Variants in NRG1 observed in about 807,000 individuals in gnomAD.
The protein encoded by NRG1 is neuregulin 1.
In NRG1, 18 loss-of-function variants were observed where a neutral mutation model predicts 63.8. The observed-to-expected ratio is 0.28, with a 90% CI of 0.19 to 0.42. The LOEUF (loss-of-function observed/expected upper bound fraction) is 0.42. Among genes scored for constraint, NRG1 ranks in the 10% least tolerant of loss-of-function variants. NRG1 has a pLI of 1.00. For missense variants in NRG1, 762 were observed against 814.7 expected (o/e 0.94, Z 0.79); for synonymous variants, 302 against 301.3 (o/e 1.00, Z -0.02).
At chr8:31,716,563 A>G (rs753788594) in intron 1 of NRG1, among the ~76,000 whole-genome samples, 2 of 152,246 alleles carry the variant, frequency 1.3e-5, no homozygotes, top group African/African-American at 2.4e-5. Flanking sequence ...TAAGATTTAC[A>G]CTGTAAAATT....
rs529267787 is a variant in NRG1 at position 32,710,262 on chromosome 8, A to G, written c.503-17687A>G. On this transcript the variant is annotated intron_variant, in intron 5 of 11. Transcript: ENST00000356819. Reference sequence around the variant, plus strand: ...CTAACATCAAATGTCCCTGGAGATAATTTTTTTATTTTATGTAATTTATCT... The same window carrying G: ...CTAACATCAAATGTCCCTGGAGATAGTTTTTTTATTTTATGTAATTTATCT... 5.3e-5 allele frequency among the ~76,000 whole-genome samples: 8 copies of G among 152,242 alleles called. 1 individual carries two copies. The East Asian group carries it at 1.5e-3, about 29-fold the overall frequency.
At chr8:32,474,678 T>G (rs4733339) in intron 1 of NRG1, among the ~76,000 whole-genome samples, 19,426 of 149,598 alleles carry the variant, frequency 0.13, 1,518 homozygotes, top group Admixed American at 0.26. Context: ...TGTGTGTGTG[T>G]TTTTTTTAGT....
At chr8:32,251,902 G>GT (rs1849156457) in intron 1 of NRG1, among the ~76,000 whole-genome samples, 1 of 15,594 alleles carries the variant, frequency 6.4e-5, no homozygotes, top group South Asian at 2.0e-3. Context: ...GCTGCATAAT[G>GT]TCATTTCTCT....
At chr8:32,216,561 T>C (rs1845249806) in intron 1 of NRG1, among the ~76,000 whole-genome samples, 1 of 149,960 alleles carries the variant, frequency 6.7e-6, no homozygotes. Context: ...GGAATGAGCC[T>C]ATAAAAATAA....
chr8:32,711,960 C>T (rs1002733991), intron 5 of NRG1, among the ~76,000 whole-genome samples: 1 of 152,132 alleles, frequency 6.6e-6, no homozygotes, highest in Non-Finnish European at 1.5e-5. Context: ...CTACTTTTAA[C>T]ATTTCACACC....
At chr8:32,491,041 C>A (rs970978073) in intron 1 of NRG1, among the ~76,000 whole-genome samples, 2 of 152,142 alleles carry the variant, frequency 1.3e-5, no homozygotes, top group Non-Finnish European at 2.9e-5. Flanking sequence ...ACTAATTTTT[C>A]CCCCTTCATC....
intron 1 of NRG1, among the ~76,000 whole-genome samples, chr8:32,048,446 CATATATATATATATATAT>C (rs869311093): frequency 3.0e-4 from 2 of 6,712 alleles, no homozygotes; most frequent in African/African-American, 3.3e-4. Context: ...TATATACATA[CATATATATATATATATAT>C]ATATATATAT....
At chr8:31,909,641 C>T (rs1563553663) in intron 1 of NRG1, among the ~76,000 whole-genome samples, 1 of 152,194 alleles carries the variant, frequency 6.6e-6, no homozygotes, top group Non-Finnish European at 1.5e-5. Context: ...TATGCCTCCT[C>T]TTTACATATG....
intron 5 of NRG1, among the ~76,000 whole-genome samples, chr8:32,643,523 C>T (rs929340170): frequency 2.0e-5 from 3 of 152,138 alleles, no homozygotes; most frequent in Non-Finnish European, 4.4e-5. Flanking sequence ...CCATCTTGAA[C>T]GTTTCCACCT....
intron 1 of NRG1, among the ~76,000 whole-genome samples, chr8:32,109,724 C>A (rs747344404): frequency 6.6e-6 from 1 of 152,068 alleles, no homozygotes; most frequent in African/African-American, 2.4e-5. Flanking sequence ...TGAAAGTTCC[C>A]CTTCAGTTCC....
intron 1 of NRG1, among the ~76,000 whole-genome samples, chr8:32,554,915 T>TTC (rs71208194): frequency 0.17 from 24,748 of 147,086 alleles, 2,212 homozygotes; most frequent in Middle Eastern, 0.19. Context: ...TGCTTTTTTC[T>TTC]TCTCTCTCTC....
chr8:32,391,841 A>G (rs530581899), intron 1 of NRG1, among the ~76,000 whole-genome samples: 1 of 152,322 alleles, frequency 6.6e-6, no homozygotes, highest in East Asian at 1.9e-4. Flanking sequence ...TAAGTAGGGG[A>G]AAGATCAGCT....
intron 1 of NRG1, among the ~76,000 whole-genome samples, chr8:32,294,252 A>G (rs1854578672): frequency 6.6e-6 from 1 of 151,942 alleles, no homozygotes. Flanking sequence ...TTTTGGGCAG[A>G]AAACGCATTT....
At chr8:31,664,274 T>C (rs1806302656) in intron 1 of NRG1, among the ~76,000 whole-genome samples, 1 of 152,188 alleles carries the variant, frequency 6.6e-6, no homozygotes, top group Non-Finnish European at 1.5e-5. Flanking sequence ...AATTATACTT[T>C]TCCCATCCCA....
chr8:32,636,580 C>A (rs979074612), intron 5 of NRG1, among the ~76,000 whole-genome samples: 2 of 152,166 alleles, frequency 1.3e-5, no homozygotes, highest in African/African-American at 4.8e-5. Flanking sequence ...TAGCATCTAA[C>A]CTTTCAGATT....
At chr8:32,652,219 G>C (rs1017366772) in intron 5 of NRG1, among the ~76,000 whole-genome samples, 1 of 152,106 alleles carries the variant, frequency 6.6e-6, no homozygotes, top group African/African-American at 2.4e-5. Context: ...CACTGTTCAG[G>C]TGTGTGTTTA....
intron 1 of NRG1, among the ~76,000 whole-genome samples, chr8:32,134,181 T>C (rs571082208): frequency 6.6e-6 from 1 of 152,240 alleles, no homozygotes; most frequent in South Asian, 2.1e-4. Context: ...TAGAAGACAC[T>C]AAAATTTTTT....
At chr8:31,823,099 T>C (rs1396840294) in intron 1 of NRG1, among the ~76,000 whole-genome samples, 1 of 150,206 alleles carries the variant, frequency 6.7e-6, no homozygotes, top group African/African-American at 2.4e-5. Context: ...TTATACTTGC[T>C]TGAATGCTGT....
intron 1 of NRG1, among the ~76,000 whole-genome samples, chr8:32,480,296 C>T (rs1326772742): frequency 6.6e-6 from 1 of 151,794 alleles, no homozygotes; most frequent in Non-Finnish European, 1.5e-5. Context: ...GGTCTGGGGG[C>T]TAGGAGAGAG....
Sources: gnomAD v4.1 joint callset for allele counts (sites outside exome capture counted in the v4.1 genomes callset) on GRCh38, gnomAD v4.1.1 for gene constraint, MANE v1.5 for transcripts, NCBI Gene and HGNC (gene_info 2026-07-23, HGNC 2026-07-21) for gene names.